The following LRP2 variants were observed in gnomAD, a reference collection of about 807,000 sequenced individuals.
LRP2 encodes the protein LDL receptor related protein 2.
LRP2 carries 172 observed loss-of-function variants against 531.0 expected under a neutral mutation model. The ratio of observed to expected loss-of-function variants is 0.32; its 90% CI spans 0.29 to 0.37. LRP2 has a LOEUF of 0.37. LRP2 is among the 10% of genes least tolerant of loss of function. The pLI, the probability that LRP2 is intolerant of heterozygous loss-of-function variation, is 1.00. For missense variants in LRP2, 5,167 were observed against 5,868.3 expected (o/e 0.88, Z 3.90); for synonymous variants, 1,992 against 2,027.6 (o/e 0.98, Z 0.47).
At chr2:169,319,823 C>A (rs1684863673) in intron 2 of LRP2, among the ~76,000 whole-genome samples, 1 of 152,172 alleles carries the variant, frequency 6.6e-6, no homozygotes, top group Admixed American at 6.5e-5. Flanking sequence ...CTGGGTGATC[C>A]ATTTGTGCAT....
intron 1 of LRP2, among the ~76,000 whole-genome samples, chr2:169,358,052 C>T (rs1251475715): frequency 2.0e-5 from 3 of 152,154 alleles, no homozygotes. Flanking sequence ...GTTGTAATAA[C>T]CTATCACAGG....
chr2:169,304,608 G>T (rs956255857), intron 4 of LRP2, among the ~76,000 whole-genome samples: 1 of 152,184 alleles, frequency 6.6e-6, no homozygotes, highest in East Asian at 1.9e-4. Context: ...GAGAATCTTT[G>T]ACCCCTAAAC....
chr2:169,362,199 C>T (rs1390414479), intron 1 of LRP2, 122 bp downstream of exon 1: 2 of 809,168 alleles, frequency 2.5e-6, no homozygotes, highest in Non-Finnish European at 3.7e-6. Flanking sequence ...GGGAGCAGCT[C>T]CCGCGCCGCC....
At chr2:169,361,961 C>T (rs1239130483) in intron 1 of LRP2, among the ~76,000 whole-genome samples, 1 of 152,228 alleles carries the variant, frequency 6.6e-6, no homozygotes, top group East Asian at 1.9e-4. Context: ...CAGCAGAGAA[C>T]TCCGCTAGGG....
chr2:169,224,107 G>A (rs1179467662), intron 33 of LRP2, among the ~76,000 whole-genome samples: 1 of 152,220 alleles, frequency 6.6e-6, no homozygotes, highest in Non-Finnish European at 1.5e-5. Flanking sequence ...TCTACAGAGA[G>A]TGCTTTTTAG....
intron 62 of LRP2, among the ~76,000 whole-genome samples, chr2:169,164,351 T>C (rs1686702754): frequency 6.6e-6 from 1 of 152,234 alleles, no homozygotes; most frequent in Admixed American, 6.5e-5. Context: ...AGTTTCGGAA[T>C]GGACTATGAG....
At position 169,150,962 on chromosome 2, in the gene LRP2, T is replaced by C. The variant is rs1686096766; in HGVS notation, c.12526A>G (p.Arg4176Gly). 1.2e-6 allele frequency: 2 copies of C among 1,614,026 alleles called. No individual in the cohort carries two copies. Among genetic ancestry groups the C allele is most frequent in the African/African-American group, 1.3e-5 (1 of 74,932 alleles). Residue 4176 changes from arginine (R) to glycine (G), a missense_variant, in exon 68 of 79, where the codon AGA becomes GGA. This residue lies in a region of LRP2 where 564 missense variants were observed against 747.7 expected (regional missense o/e 0.75). Coordinates refer to ENST00000649046, the MANE Select transcript of LRP2 (RefSeq NM_004525.3). The part of the protein sequence containing the change: ...IEVAKLDGRY[R>G]KWLISTDLDQ... Reference sequence around the variant, plus strand: ...AGGTCAGTGGAAATCAGCCACTTTCTGTACCTTCCATCAAGTTTAGCCACC... The same window carrying C: ...AGGTCAGTGGAAATCAGCCACTTTCCGTACCTTCCATCAAGTTTAGCCACC...
At chr2:169,312,447 G>C (rs1262112499) in intron 3 of LRP2, among the ~76,000 whole-genome samples, 4 of 151,896 alleles carry the variant, frequency 2.6e-5, no homozygotes, top group East Asian at 3.9e-4. Flanking sequence ...GATTTTATTT[G>C]TCCTTCACTT....
intron 35 of LRP2, among the ~76,000 whole-genome samples, chr2:169,214,686 A>T (rs1457345529): frequency 6.6e-6 from 1 of 152,210 alleles, no homozygotes; most frequent in Non-Finnish European, 1.5e-5. Context: ...AGTGGAGGCC[A>T]GGACCAGATT....
At chr2:169,243,649 AT>A in intron 22 of LRP2, 127 bp from the exon 23 acceptor site, 1 of 1,087,656 alleles carries the variant, frequency 9.2e-7, no homozygotes, top group South Asian at 1.3e-5. Context: ...ATTCTTTTGA[AT>A]CAGCCACACT....
chr2:169,316,173 A>T (rs1432152383), intron 3 of LRP2, among the ~76,000 whole-genome samples: 1 of 151,926 alleles, frequency 6.6e-6, no homozygotes, highest in Non-Finnish European at 1.5e-5. Context: ...TTGCCAAAAA[A>T]TAAAAATAAA....
intron 2 of LRP2, among the ~76,000 whole-genome samples, chr2:169,319,088 T>A (rs1684844540): frequency 6.6e-6 from 1 of 152,008 alleles, no homozygotes; most frequent in Admixed American, 6.6e-5. Context: ...CACAACAAAC[T>A]CATGAACCAA....
intron 72 of LRP2, 46 bp from the exon 73 acceptor site, chr2:169,139,656 C>T (rs367848679): frequency 6.5e-5 from 101 of 1,542,782 alleles, no homozygotes; most frequent in Middle Eastern, 5.1e-4. Context: ...TGTTCTTAGG[C>T]TTCTACTGCA....
rs760684016 is a variant in LRP2 at position 169,246,822 on chromosome 2, G to C, written c.3073C>G (p.Gln1025Glu). 1.2e-6 allele frequency: 2 copies of C among 1,614,166 alleles called. No individual in the cohort carries two copies. Among genetic ancestry groups the C allele is most frequent in the East Asian group, 4.5e-5 (2 of 44,870 alleles). ...GDPTNEPPTE[Q>E]CGLFSFPCKN... ...CAGGGGAAGGAAAATAAGCCACACTGCTCTGTGGGTGGTTCATTGGTTGGG... is the reference window on the plus strand; with the variant it reads ...CAGGGGAAGGAAAATAAGCCACACTCCTCTGTGGGTGGTTCATTGGTTGGG... The change falls in exon 21 of 79, where the codon CAG becomes GAG. Residue 1025 changes from glutamine to glutamate, a missense_variant. Around this residue, in one of 6 missense-constraint regions of LRP2, gnomAD observed 2,811 missense variants for 3,058.0 expected, o/e 0.92. Coordinates refer to ENST00000649046, the MANE Select transcript of LRP2 (RefSeq NM_004525.3).
At chr2:169,245,928 C>T (rs959631398) in intron 21 of LRP2, among the ~76,000 whole-genome samples, 5 of 152,034 alleles carry the variant, frequency 3.3e-5, no homozygotes, top group Non-Finnish European at 7.4e-5. Flanking sequence ...CTGAAGTACA[C>T]GGCACAGTCT....
chr2:169,284,835 C>G (rs1007288173), intron 9 of LRP2, among the ~76,000 whole-genome samples: 1 of 152,152 alleles, frequency 6.6e-6, no homozygotes, highest in Non-Finnish European at 1.5e-5. Context: ...CTCAAACCCC[C>G]AGAATGTCAT....
Position 169,271,028 on chromosome 2 carries a change from G to A in LRP2, c.2196C>T (p.Val732=). 1 of 1,613,178 alleles carries A rather than the reference G, an allele frequency of 6.2e-7. No homozygotes were observed. The highest frequency in any genetic ancestry group is 1.1e-5 in the South Asian group (1 of 91,060). ...AAGGATTCCCCGAAACTGGAACCAT[G>A]ACATCTTCCTGGGTAGACAAGGTGA... ...IPFTLSTQED[V]MVPVSGNPSF... is the part of the protein sequence containing the mutation. The change falls in exon 16 of 79, where the codon GTC becomes GTT. Residue 732 remains valine (V), a synonymous_variant. Coordinates refer to ENST00000649046, the MANE Select transcript of LRP2 (RefSeq NM_004525.3).
chr2:169,193,440 A>AAAAG (rs1266256091), intron 47 of LRP2, among the ~76,000 whole-genome samples: 2 of 150,626 alleles, frequency 1.3e-5, no homozygotes, highest in Non-Finnish European at 3.0e-5. Flanking sequence ...AAAAAAAAAA[A>AAAAG]AAAGAAAGAA....
At chr2:169,179,555 T>C (rs778047357) in intron 52 of LRP2, among the ~76,000 whole-genome samples, 48 of 152,142 alleles carry the variant, frequency 3.2e-4, no homozygotes, top group South Asian at 6.2e-4. Flanking sequence ...ACCCTGTCTC[T>C]ACTAAAAATA....
Sources: gnomAD v4.1 joint callset for allele counts (sites outside exome capture counted in the v4.1 genomes callset) on GRCh38, gnomAD v4.1.1 for gene constraint, gnomAD v4.1.1 regional missense constraint, MANE v1.5 for transcripts, NCBI Gene and HGNC (gene_info 2026-07-23, HGNC 2026-07-21) for gene names.